The following DCAF5 variants were observed in gnomAD, a reference collection of about 807,000 sequenced individuals.
DCAF5 encodes DDB1- and CUL4-associated factor 5.
A neutral mutation model predicts 80.7 loss-of-function variants in DCAF5; 9 were observed. The ratio of observed to expected loss-of-function variants is 0.11; its 90% CI spans 0.07 to 0.19. The LOEUF is 0.19. Among genes scored for constraint, DCAF5 ranks in the 10% least tolerant of loss-of-function variants. The probability of loss-of-function intolerance (pLI) is 1.00; values close to 1 mark genes in which losing one functional copy is unlikely to be tolerated. For missense variants in DCAF5, 842 were observed against 1,205.7 expected (o/e 0.70, Z 4.47); for synonymous variants, 433 against 461.9 (o/e 0.94, Z 0.80).
In DCAF5 at chr14:69,091,091, A is replaced by G. The variant is rs765797848; in HGVS notation, c.879+583T>C. 5 of 757,434 alleles carry G rather than the reference A, an allele frequency of 6.6e-6. No individual in the cohort carries two copies. The Admixed American group carries it at 8.6e-5, about 13-fold the overall frequency. 46.9% of individuals were successfully genotyped at this position (757,434 alleles called of 1,614,324 possible). ...GCTTTAAGTCAACATCAGCATCTCCATTCCTGGTGAGACTCAGAAAAGGCT... is the reference window on the plus strand; with the variant it reads ...GCTTTAAGTCAACATCAGCATCTCCGTTCCTGGTGAGACTCAGAAAAGGCT... On this transcript the variant is annotated intron_variant, in intron 6 of 8. Transcript: ENST00000341516.
chr14:69,104,064 A>G (rs1042590797), intron 5 of DCAF5, among the ~76,000 whole-genome samples: 1 of 152,216 alleles, frequency 6.6e-6, no homozygotes, highest in Admixed American at 6.5e-5. Context: ...ACATTCATGT[A>G]CAAGTTTCTG....
At chr14:69,129,222 G>A (rs2040966703) in intron 1 of DCAF5, among the ~76,000 whole-genome samples, 1 of 152,140 alleles carries the variant, frequency 6.6e-6, no homozygotes, top group African/African-American at 2.4e-5. Flanking sequence ...GAATCACTGA[G>A]GCAAAAATCA....
chr14:69,094,111 G>C (rs766978682), intron 5 of DCAF5, among the ~76,000 whole-genome samples: 11 of 152,164 alleles, frequency 7.2e-5, no homozygotes, highest in Non-Finnish European at 1.3e-4. Context: ...GACTGACTAG[G>C]AGTTGGGGGT....
intron 1 of DCAF5, among the ~76,000 whole-genome samples, chr14:69,149,908 G>A (rs916411358): frequency 2.0e-5 from 3 of 152,158 alleles, no homozygotes; most frequent in African/African-American, 4.8e-5. Flanking sequence ...ATATAAACAT[G>A]ACACTAGTTT....
rs778105857 is a variant in DCAF5, at chr14:69,055,180, C to T, written c.1506G>A (p.Thr502=). 1.4e-5 allele frequency: 22 copies of T among 1,614,060 alleles called. No homozygotes were observed. The Middle Eastern group carries it at 6.6e-4, about 48-fold the overall frequency. The stretch of plus-strand genomic sequence containing the variant: ...GCTGGCGAGAGGCTGCATCCTCACA[C>T]GTGGGTGTTGGTGGAGTTGAGGCTA... ...NTVASTPPTP[T]CEDAASRQQR... The change falls in exon 9 of 9, where the codon ACG becomes ACA. Residue 502 remains threonine, a synonymous_variant. Coordinates refer to ENST00000341516, the MANE Select transcript of DCAF5 (RefSeq NM_003861.3). This position sits in a 1 kb window ranked among gnomAD's most constrained non-coding sequence, Gnocchi z 5.6.
chr14:69,075,168 T>C (rs921847922), intron 7 of DCAF5, among the ~76,000 whole-genome samples, 177 bp downstream of exon 7: 2 of 152,200 alleles, frequency 1.3e-5, no homozygotes, highest in African/African-American at 4.8e-5. Flanking sequence ...GATAAGACTA[T>C]GTCTGAGGGA....
At chr14:69,090,059 A>ACC in intron 6 of DCAF5, 1 of 985,446 alleles carries the variant, frequency 1.0e-6, no homozygotes, top group African/African-American at 1.7e-5. Flanking sequence ...GTTTCTGGAA[A>ACC]TAAAGCCTAG....
Position 69,068,698 on chromosome 14 carries a change from C to CAAA in DCAF5, c.947-6190_947-6188dup, listed in dbSNP as rs201955188. Among the ~76,000 whole-genome samples the CAAA allele has an allele frequency of 6.4e-3, 436 of 67,978 alleles. 8 individuals are homozygous for CAAA. The highest frequency in any genetic ancestry group is 0.027 in the Middle Eastern group (3 of 112). 44.6% of individuals were successfully genotyped at this position (67,978 alleles called of 152,430 possible). A position where few individuals can be genotyped will look rare whatever the true frequency, so the allele number is the denominator to read the frequency against. On this transcript the variant is annotated intron_variant, in intron 7 of 8. Transcript: ENST00000341516. ...GGACAATAAGAATGAAACTCCATCT[C>CAAA]AAAAAAAAAAAAAAAAAAAGTTTAC...
intron 7 of DCAF5, among the ~76,000 whole-genome samples, chr14:69,070,607 A>C (rs575031648): frequency 3.9e-5 from 6 of 152,264 alleles, no homozygotes; most frequent in African/African-American, 1.2e-4. Flanking sequence ...TGCTCCTTTC[A>C]ATATGTAACA....
rs2040599832 is a variant in DCAF5 at position 69,118,268 on chromosome 14, A to G, written c.406T>C (p.Leu136=). Residue 136 remains leucine (L), a synonymous_variant, in exon 4 of 9, where the codon TTG becomes CTG. Transcript: ENST00000341516. The surrounding 1 kb of genome is among the most constrained non-coding windows in gnomAD (Gnocchi z 4.0). ...GCATCTTCATGAGCAAACACGTCCA[A>G]TGTCTCACTGCTGGGAGATAAGAGA... ...ILHDVESSET[L]DVFAHEDAVY... The G allele has an allele frequency of 6.2e-7, 1 of 1,613,772 alleles. No individual in the cohort carries two copies.
At chr14:69,084,935 C>A (rs1445570462) in intron 6 of DCAF5, 4 of 1,429,294 alleles carry the variant, frequency 2.8e-6, no homozygotes, top group Non-Finnish European at 3.9e-6. Flanking sequence ...CAGCCAGAGA[C>A]CTAAATGGGA....
chr14:69,105,380 G>A (rs2040100877), intron 5 of DCAF5, among the ~76,000 whole-genome samples: 1 of 152,182 alleles, frequency 6.6e-6, no homozygotes, highest in Non-Finnish European at 1.5e-5. Flanking sequence ...GATGCTAAGT[G>A]AAAGAAGCCA....
At chr14:69,086,141 G>A (rs1443554779) in intron 6 of DCAF5, among the ~76,000 whole-genome samples, 1 of 152,148 alleles carries the variant, frequency 6.6e-6, no homozygotes, top group Admixed American at 6.5e-5. Flanking sequence ...TGGATCACTT[G>A]AGGTCAGGAG....
At chr14:69,121,510 A>C (rs975450901) in intron 2 of DCAF5, among the ~76,000 whole-genome samples, 2 of 152,238 alleles carry the variant, frequency 1.3e-5, no homozygotes, top group African/African-American at 4.8e-5. Context: ...AGTTAAACCT[A>C]ATAGCTTATA....
chr14:69,068,748 C>T (rs1429528796), intron 7 of DCAF5, among the ~76,000 whole-genome samples: 2 of 151,052 alleles, frequency 1.3e-5, no homozygotes, highest in African/African-American at 4.9e-5. Flanking sequence ...TATTTCTTTT[C>T]CTGGTACATC....
intron 1 of DCAF5, among the ~76,000 whole-genome samples, chr14:69,132,429 T>C (rs73278991): frequency 0.02 from 3,076 of 152,280 alleles, 110 homozygotes; most frequent in African/African-American, 0.071. Flanking sequence ...GAGCGCATCA[T>C]TCTACAAACA....
intron 1 of DCAF5, among the ~76,000 whole-genome samples, chr14:69,151,630 C>G (rs1308016710): frequency 6.6e-6 from 1 of 152,132 alleles, no homozygotes; most frequent in Non-Finnish European, 1.5e-5. Flanking sequence ...CGGGGAGCCG[C>G]CCCCTAGCCC....
chr14:69,054,157 G>A lies in DCAF5; in HGVS notation c.2529C>T (p.His843=), dbSNP rs1252042325. 1 of 1,614,142 alleles carries A rather than the reference G, an allele frequency of 6.2e-7. No individual in the cohort carries two copies. Among genetic ancestry groups the A allele is most frequent in the Non-Finnish European group, 8.5e-7 (1 of 1,180,058 alleles). Residue 843 remains histidine (H), a synonymous_variant, in exon 9 of 9, where the codon CAC becomes CAT. Transcript: ENST00000341516. ...NNGRLHPRPP[H]PHNNGQNLGE... is the part of the protein sequence containing the mutation. ...CCAAGTTCTGCCCGTTATTGTGAGG[G>A]TGAGGGGGACGAGGGTGTAAGCGTC...
intron 5 of DCAF5, among the ~76,000 whole-genome samples, chr14:69,114,530 T>A (rs773908699): frequency 1.3e-5 from 2 of 152,350 alleles, no homozygotes; most frequent in South Asian, 4.1e-4. Context: ...GTATATACAT[T>A]ACATTAAGTT....
Sources: allele counts gnomAD v4.1 joint callset (sites outside exome capture counted in the v4.1 genomes callset), GRCh38; gene constraint gnomAD v4.1.1; non-coding constraint Gnocchi (gnomAD v3.1); transcripts MANE v1.5; gene names NCBI Gene and HGNC (gene_info 2026-07-23, HGNC 2026-07-21).